BMP2K: variants seen among roughly 807,000 people sequenced by gnomAD.
BMP2K encodes the protein BMP2 inducible kinase.
In BMP2K, 74 loss-of-function variants were observed where a neutral mutation model predicts 116.0. The observed-to-expected ratio is 0.64, with a 90% CI of 0.53 to 0.77. The LOEUF (loss-of-function observed/expected upper bound fraction) is 0.77, where lower values mean the gene tolerates loss of function less well. Ranked by LOEUF, BMP2K falls within the 30% of genes least tolerant of loss-of-function variation. The pLI is 0.00. For missense variants in BMP2K, 1,365 were observed against 1,403.6 expected (o/e 0.97, Z 0.44); for synonymous variants, 486 against 502.5 (o/e 0.97, Z 0.44).
chr4:78,834,685 A>G (rs1157400408), intron 3 of BMP2K, among the ~76,000 whole-genome samples: 3 of 152,196 alleles, frequency 2.0e-5, no homozygotes, highest in African/African-American at 7.2e-5. Flanking sequence ...TCAGAAAGTA[A>G]TGATTGTTAA....
intron 15 of BMP2K, among the ~76,000 whole-genome samples, chr4:78,909,814 A>G (rs1305676878): frequency 6.6e-6 from 1 of 152,160 alleles, no homozygotes; most frequent in Admixed American, 6.6e-5. Flanking sequence ...GAAAGCAGAA[A>G]CCATGTTTCT....
intron 1 of BMP2K, among the ~76,000 whole-genome samples, chr4:78,790,019 C>A (rs767902092): frequency 5.9e-5 from 9 of 152,166 alleles, no homozygotes; most frequent in Non-Finnish European, 8.8e-5. Context: ...AAACACGATT[C>A]TTCTAAATTC....
At chr4:78,858,906 C>T (rs1001174403) in intron 7 of BMP2K, among the ~76,000 whole-genome samples, 2 of 151,804 alleles carry the variant, frequency 1.3e-5, no homozygotes, top group African/African-American at 2.4e-5. Flanking sequence ...GGAGTACTAC[C>T]AAATGGTAGT....
intron 3 of BMP2K, among the ~76,000 whole-genome samples, chr4:78,833,964 C>G (rs1730333250): frequency 6.6e-6 from 1 of 152,124 alleles, no homozygotes; most frequent in African/African-American, 2.4e-5. Context: ...TTCTTGCTCT[C>G]CATAGAATTC....
intron 1 of BMP2K, among the ~76,000 whole-genome samples, chr4:78,816,256 A>G (rs553726249): frequency 2.0e-4 from 30 of 152,246 alleles, no homozygotes; most frequent in Admixed American, 1.2e-3. Flanking sequence ...ACTGCATCAC[A>G]TTAAGAAACA....
intron 7 of BMP2K, among the ~76,000 whole-genome samples, chr4:78,856,606 G>C (rs1471134158): frequency 6.6e-6 from 1 of 151,932 alleles, no homozygotes; most frequent in Non-Finnish European, 1.5e-5. Context: ...TTTTAGGTAT[G>C]ATTATTCATC....
rs17003476 is a variant in BMP2K, at chr4:78,872,742, T to A, written c.1737T>A (p.Thr579=). The part of the protein sequence containing the change: ...QEFSPALVSY[T]SSLPAQVGTI... ...TCTCACCAGCCTTAGTTTCCTACAC[T>A]TCATCACTTCCAGCTCAGGTTGGAA... Residue 579 remains threonine (T), a synonymous_variant, in exon 13 of 16, where the codon ACT becomes ACA. Transcript: ENST00000502613. The A allele has an allele frequency of 7.0e-5, 113 of 1,614,126 alleles. No individual in the cohort carries two copies. The East Asian group carries it at 2.3e-3, about 33-fold the overall frequency.
chr4:78,904,967 T>A (rs1734212780), intron 15 of BMP2K, among the ~76,000 whole-genome samples: 1 of 151,910 alleles, frequency 6.6e-6, no homozygotes, highest in Non-Finnish European at 1.5e-5. Context: ...TCTTAGTAAC[T>A]CTGTACCAAA....
At position 78,872,026 on chromosome 4, in the gene BMP2K, A is replaced by C. The variant is rs148304150; in HGVS notation, c.1608+78A>C. On this transcript the variant is annotated intron_variant, in intron 12 of 15. Transcript: ENST00000502613. Reference sequence around the variant, plus strand: ...ATTCACAGTATGAATCATATTATTCAGAATTTAGTAATTCAAAATCAAGTA... The same window carrying C: ...ATTCACAGTATGAATCATATTATTCCGAATTTAGTAATTCAAAATCAAGTA... 190 of 1,030,468 alleles carry C rather than the reference A, an allele frequency of 1.8e-4. 1 individual carries two copies. The East Asian group carries it at 3.7e-3, about 20-fold the overall frequency. 63.8% of individuals were successfully genotyped at this position (1,030,468 alleles called of 1,614,324 possible).
In BMP2K at chr4:78,898,657, CA is replaced by C. The variant is rs76934935; in HGVS notation, c.2062+11386del. Among the ~76,000 whole-genome samples the C allele has an allele frequency of 8.2e-3, 993 of 120,966 alleles. 5 individuals carry two copies. Among genetic ancestry groups the C allele is most frequent in the African/African-American group, 0.021 (699 of 32,880 alleles). The allele number at this position is 120,966 out of a possible 152,430, so 79.4% of individuals were successfully genotyped here. A position where few individuals can be genotyped will look rare whatever the true frequency, so the allele number is the denominator to read the frequency against. ...TGGGCGACAGAGCGAGACTCCATCT[CA>C]AAAAAAAAAAAAGACCATTGCTCCT... is the stretch of plus-strand genomic sequence containing the variant. On this transcript the variant is annotated intron_variant, in intron 15 of 15. Coordinates refer to ENST00000502613, the MANE Select transcript of BMP2K (RefSeq NM_198892.2).
At chr4:78,894,732 T>C (rs1733615771) in intron 15 of BMP2K, among the ~76,000 whole-genome samples, 1 of 152,218 alleles carries the variant, frequency 6.6e-6, no homozygotes, top group South Asian at 2.1e-4. Flanking sequence ...TTCACTTGGC[T>C]AACTGGTGCA....
At chr4:78,804,839 T>C (rs1034064247) in intron 1 of BMP2K, among the ~76,000 whole-genome samples, 5 of 152,064 alleles carry the variant, frequency 3.3e-5, no homozygotes, top group Admixed American at 6.5e-5. Flanking sequence ...TTATTAGATA[T>C]AGAATTTGCA....
chr4:78,779,335 A>G (rs867264889), intron 1 of BMP2K, among the ~76,000 whole-genome samples: 22 of 152,228 alleles, frequency 1.4e-4, no homozygotes, highest in African/African-American at 5.1e-4. Flanking sequence ...TCATGCCTCA[A>G]TGAAGATTAT....
At chr4:78,783,094 TTATTATA>T (rs1196347428) in intron 1 of BMP2K, among the ~76,000 whole-genome samples, 1 of 152,212 alleles carries the variant, frequency 6.6e-6, no homozygotes, top group African/African-American at 2.4e-5. Flanking sequence ...TATAGTGACT[TTATTATA>T]TATTTGGTAT....
intron 1 of BMP2K, among the ~76,000 whole-genome samples, chr4:78,807,707 A>G (rs1053080643): frequency 6.6e-6 from 1 of 150,816 alleles, no homozygotes; most frequent in Non-Finnish European, 1.5e-5. Context: ...TGTTGGCATA[A>G]AATTATTAAC....
chr4:78,842,200 G>C (rs1472781581), intron 3 of BMP2K, among the ~76,000 whole-genome samples, 185 bp from the exon 4 acceptor site: 1 of 151,964 alleles, frequency 6.6e-6, no homozygotes, highest in African/African-American at 2.4e-5. Context: ...GATCTTTTGA[G>C]ATGTAAAATG....
chr4:78,800,049 C>CT (rs1440148643), intron 1 of BMP2K, among the ~76,000 whole-genome samples: 1 of 152,192 alleles, frequency 6.6e-6, no homozygotes, highest in Non-Finnish European at 1.5e-5. Context: ...AACTTTTACT[C>CT]TTTCAATTTG....
chr4:78,844,962 A>G lies in BMP2K; in HGVS notation c.581A>G (p.Tyr194Cys), dbSNP rs199561585. ...ENILLNDGGNYVLCDFGSATN... is the reference protein window; with the variant it reads ...ENILLNDGGNCVLCDFGSATN... Reference sequence around the variant, plus strand: ...ATTTTGTTGAATGATGGTGGGAACTATGTACTTTGTGACTTTGGCAGTGCC... The same window carrying G: ...ATTTTGTTGAATGATGGTGGGAACTGTGTACTTTGTGACTTTGGCAGTGCC... The change falls in exon 5 of 16, where the codon TAT (tyrosine) becomes TGT (cysteine). Residue 194 changes from tyrosine to cysteine, a missense_variant. Tyr to Cys is a radical substitution (Grantham distance 194). Transcript: ENST00000502613. The G allele has an allele frequency of 5.0e-6, 8 of 1,599,444 alleles. No homozygotes were observed. The East Asian group carries it at 6.7e-5, about 13-fold the overall frequency.
intron 1 of BMP2K, among the ~76,000 whole-genome samples, chr4:78,809,433 A>G (rs1377717115): frequency 6.6e-6 from 1 of 151,634 alleles, no homozygotes; most frequent in Admixed American, 6.6e-5. Flanking sequence ...GCTGGAGTGC[A>G]GTGATATGAC....
Sources: gnomAD v4.1 joint callset for allele counts (sites outside exome capture counted in the v4.1 genomes callset) on GRCh38, gnomAD v4.1.1 for gene constraint, MANE v1.5 for transcripts, NCBI Gene and HGNC (gene_info 2026-07-23, HGNC 2026-07-21) for gene names.